ADAP1: variants seen among roughly 807,000 people sequenced by gnomAD.
ADAP1 encodes ArfGAP with dual PH domains 1.
ADAP1 carries 31 observed loss-of-function variants against 54.9 expected under a neutral mutation model. The observed-to-expected ratio is 0.56, with a 90% CI of 0.42 to 0.76. The LOEUF (loss-of-function observed/expected upper bound fraction) is 0.76, where lower values mean the gene tolerates loss of function less well. Ranked by LOEUF, ADAP1 falls within the 30% of genes least tolerant of loss-of-function variation. The pLI is 0.00. For synonymous variants in ADAP1, 313 were observed against 202.6 expected (o/e 1.55, Z -4.63); for missense variants, 535 against 512.4 (o/e 1.04, Z -0.42).
In ADAP1 at chr7:924,559, C is replaced by T. The variant is rs544615793; in HGVS notation, c.305+1994G>A. Among the ~76,000 whole-genome samples the T allele has an allele frequency of 1.6e-3, 238 of 145,694 alleles. 2 individuals carry two copies. Among genetic ancestry groups the T allele is most frequent in the Non-Finnish European group, 2.1e-3 (140 of 66,286 alleles). ...CTGCACCCCCTGCCCTCCAGGTCCACGCTGCACCCCCCGCCCTCCAAGTTA... is the reference window on the plus strand; with the variant it reads ...CTGCACCCCCTGCCCTCCAGGTCCATGCTGCACCCCCCGCCCTCCAAGTTA... On this transcript the variant is annotated intron_variant, in intron 3 of 10. Transcript: ENST00000265846.
At position 904,257 on chromosome 7, in the gene ADAP1, C is replaced by T. The variant is rs76984741; in HGVS notation, c.517G>A (p.Ala173Thr). 2.5e-6 allele frequency: 4 copies of T among 1,596,578 alleles called. No individual in the cohort carries two copies. The highest frequency in any genetic ancestry group is 2.6e-6 in the Non-Finnish European group (3 of 1,170,968). The change falls in exon 6 of 11, where the codon GCC (alanine) becomes ACC (threonine). Residue 173 changes from alanine (A) to threonine (T), a missense_variant. By Grantham distance (58) the Ala-to-Thr change is moderately conservative. Coordinates refer to ENST00000265846, the MANE Select transcript of ADAP1 (RefSeq NM_006869.4). ...TTCAGGTGCTCGATCTTCATCACGG[C>T]CTTGGGCTCCTTGGCCTGAGAAGGG... ...FNRNDAKEPK[A>T]VMKIEHLNAT...
Position 900,628 on chromosome 7 carries a change from G to GGCGGGCAAAA in ADAP1, c.649-13_649-12insTTTTGCCCGC. On this transcript the variant is annotated splice_polypyrimidine_tract_variant and intron_variant, in intron 6 of 10. Transcript: ENST00000265846. ...CAGTCCACAATCTCCTAGGGGCAAA[G>GGCGGGCAAAA]GTGGGCACAGGCTTGGGCTGAGGAG... is the stretch of plus-strand genomic sequence containing the variant. The GGCGGGCAAAA allele has an allele frequency of 6.2e-7, 1 of 1,603,438 alleles. No homozygotes were observed. Among genetic ancestry groups the GGCGGGCAAAA allele is most frequent in the Non-Finnish European group, 8.5e-7 (1 of 1,175,356 alleles).
At chr7:904,300 C>G (rs775605205) in intron 5 of ADAP1, 28 bp from the exon 6 acceptor site, 24 of 1,539,378 alleles carry the variant, frequency 1.6e-5, no homozygotes, top group Non-Finnish European at 2.1e-5. Flanking sequence ...CTAAGCACCT[C>G]ACAGGGGCCG....
chr7:912,015 G>A (rs972756822), intron 4 of ADAP1, among the ~76,000 whole-genome samples: 2 of 152,180 alleles, frequency 1.3e-5, no homozygotes, highest in Admixed American at 6.5e-5. Flanking sequence ...TCCCAGTAGC[G>A]CCCTCGTGCC....
chr7:908,680 A>G (rs1017093820), intron 4 of ADAP1, among the ~76,000 whole-genome samples: 1 of 152,032 alleles, frequency 6.6e-6, no homozygotes, highest in African/African-American at 2.4e-5. Flanking sequence ...CGACATCAGG[A>G]CCTCTTTGGA....
chr7:935,679 C>G (rs573917652), intron 1 of ADAP1, among the ~76,000 whole-genome samples, 174 bp from the exon 2 acceptor site: 15 of 150,072 alleles, frequency 1.0e-4, no homozygotes, highest in African/African-American at 2.7e-4. Context: ...GCTCCCCCCC[C>G]GCCCTCTGCC....
rs1845071453 is a variant in ADAP1, at chr7:905,296, G to A, written c.389-124C>T. The A allele has an allele frequency of 4.4e-6, 2 of 451,542 alleles. 1 individual carries two copies. 28.0% of individuals were successfully genotyped at this position (451,542 alleles called of 1,614,324 possible). On this transcript the variant is annotated intron_variant, in intron 4 of 10. Transcript: ENST00000265846. ...ACGGGGGACACGGACGGGGGACACG[G>A]ACAGGGGGAGACGGACGGGGAGAGG...
At chr7:955,148 G>C (rs1387882161), upstream of ADAP1, 5 of 674,972 alleles carry the variant, frequency 7.4e-6, no homozygotes, top group African/African-American at 1.8e-5. Context: ...GGCCCAGACG[G>C]AGCCTCCCCC....
rs1846403416 is a variant in ADAP1 at position 926,738 on chromosome 7, G to A, written c.214-94C>T. 1.1e-5 allele frequency: 11 copies of A among 1,022,800 alleles called. No homozygotes were observed. The highest frequency in any genetic ancestry group is 3.2e-5 in the Admixed American group (1 of 31,482). 63.4% of individuals were successfully genotyped at this position (1,022,800 alleles called of 1,614,324 possible). On this transcript the variant is annotated intron_variant, in intron 2 of 10. Transcript: ENST00000265846. The surrounding 1 kb of genome is among the most constrained non-coding windows in gnomAD (Gnocchi z 4.6). ...CTTGGGGCCGTCACCACAGTGACCC[G>A]CAGACCCAAGGCTCTGAGGGCTCCA... is the stretch of plus-strand genomic sequence containing the variant.
chr7:900,487 C>CCCCCCCCCCCTCTG, intron 7 of ADAP1, 46 bp downstream of exon 7: 3 of 1,403,442 alleles, frequency 2.1e-6, no homozygotes, highest in Admixed American at 1.9e-5. Flanking sequence ...CCCCCCACCC[C>CCCCCCCCCCCTCTG]ACCACCCCTG....
intron 4 of ADAP1, among the ~76,000 whole-genome samples, chr7:912,994 G>A (rs374264116): frequency 3.4e-4 from 51 of 152,030 alleles, no homozygotes; most frequent in East Asian, 1.2e-3. Context: ...GACCATAGGC[G>A]CCTCCATGCC....
At chr7:909,268 A>G (rs1469844273) in intron 4 of ADAP1, among the ~76,000 whole-genome samples, 11 of 41,934 alleles carry the variant, frequency 2.6e-4, no homozygotes, top group Admixed American at 1.9e-3. Context: ...GGACCTCCCG[A>G]CAGCAGGCGC....
rs528532596 is a variant in ADAP1 at position 951,121 on chromosome 7, T to C, written c.82+3275A>G. Among the ~76,000 whole-genome samples the C allele has an allele frequency of 1.8e-4, 27 of 152,256 alleles. 1 individual carries two copies. The South Asian group carries it at 4.1e-3, about 23-fold the overall frequency. ...CAGGCGCGGTGGCTCATGCCTGGAATCCCAGCACTTTGGGAGGCCGAGGCG... is the reference window on the plus strand; with the variant it reads ...CAGGCGCGGTGGCTCATGCCTGGAACCCCAGCACTTTGGGAGGCCGAGGCG... On this transcript the variant is annotated intron_variant, in intron 1 of 10. Coordinates refer to ENST00000265846, the MANE Select transcript of ADAP1 (RefSeq NM_006869.4).
rs535297099 is a variant in ADAP1, at chr7:898,654, C to A, written c.*267G>T. On this transcript the variant is annotated 3_prime_UTR_variant, in exon 11 of 11. Transcript: ENST00000265846. ...AGACTGGGCCCTGGAGGAAAGGGGG[C>A]CCCGGGTCAGGGAGGGGCAGGTTGG... is the stretch of plus-strand genomic sequence containing the variant. 2 of 533,780 alleles carry A rather than the reference C, an allele frequency of 3.7e-6. No individual in the cohort carries two copies. Among genetic ancestry groups the A allele is most frequent in the South Asian group, 2.1e-5 (1 of 48,500 alleles). 33.1% of individuals were successfully genotyped at this position (533,780 alleles called of 1,614,324 possible).
At chr7:901,217 G>A (rs1414178964) in intron 6 of ADAP1, 4 of 358,504 alleles carry the variant, frequency 1.1e-5, no homozygotes, top group South Asian at 4.2e-5. Context: ...CCAGCCCCAC[G>A]TCGGGTGCCC....
chr7:935,603 G>A (rs914303459), intron 1 of ADAP1, 98 bp from the exon 2 acceptor site: 2 of 1,458,154 alleles, frequency 1.4e-6, no homozygotes, highest in Middle Eastern at 2.1e-4. Context: ...CCATGCAGTG[G>A]GGGGGGCTTC....
chr7:930,101 CAAAAAA>C (rs1170304660), intron 2 of ADAP1, among the ~76,000 whole-genome samples: 83 of 33,296 alleles, frequency 2.5e-3, no homozygotes, highest in African/African-American at 9.7e-3. Flanking sequence ...AAGACTGTCT[CAAAAAA>C]AAAAAAAAAA....
rs978323452 is a variant in ADAP1, at chr7:926,446, G to A, written c.305+107C>T. On this transcript the variant is annotated intron_variant, in intron 3 of 10. Transcript: ENST00000265846. The surrounding 1 kb of genome is among the most constrained non-coding windows in gnomAD (Gnocchi z 4.6). ...ACGCAGCTGCGGCTGGCTTCTCCCC[G>A]ACCCTGTGGGCGGCACCCAACTCCC... is the stretch of plus-strand genomic sequence containing the variant. 24 of 975,820 alleles carry A rather than the reference G, an allele frequency of 2.5e-5. No individual in the cohort carries two copies. Among genetic ancestry groups the A allele is most frequent in the Admixed American group, 1.1e-4 (3 of 27,780 alleles). 60.4% of individuals were successfully genotyped at this position (975,820 alleles called of 1,614,324 possible).
At position 935,531 on chromosome 7, in the gene ADAP1, G is replaced by T. The variant is rs377211219; in HGVS notation, c.83-26C>A. ...CTGCAAGGGAAAGCCGGACGTTCACGGAGGCTCAGCCCAGGGACCCCGGAG... is the reference window on the plus strand; with the variant it reads ...CTGCAAGGGAAAGCCGGACGTTCACTGAGGCTCAGCCCAGGGACCCCGGAG... On this transcript the variant is annotated intron_variant, in intron 1 of 10. Coordinates refer to ENST00000265846, the MANE Select transcript of ADAP1 (RefSeq NM_006869.4). 3.2e-6 allele frequency: 5 copies of T among 1,556,196 alleles called. 1 individual carries two copies. In the Admixed American group the frequency reaches 5.8e-5, roughly 18 times the overall value.
Sources: gnomAD v4.1 joint callset for allele counts (sites outside exome capture counted in the v4.1 genomes callset) on GRCh38, gnomAD v4.1.1 for gene constraint, Gnocchi (gnomAD v3.1) non-coding constraint, MANE v1.5 for transcripts, NCBI Gene and HGNC (gene_info 2026-07-23, HGNC 2026-07-21) for gene names.